Variants in ANKS1B observed in about 807,000 individuals in gnomAD.
The protein encoded by ANKS1B is ankyrin repeat and sterile alpha motif domain-containing protein 1B.
Under a neutral mutation model 148.3 loss-of-function variants are expected in ANKS1B, and 36 were observed. That is an observed-to-expected ratio of 0.24 (90% CI 0.19 to 0.32). The LOEUF (loss-of-function observed/expected upper bound fraction) is 0.32. ANKS1B is among the 10% of genes least tolerant of loss of function. The pLI, the probability that ANKS1B is intolerant of heterozygous loss-of-function variation, is 1.00. For synonymous variants in ANKS1B, 542 were observed against 560.8 expected, an observed-to-expected ratio of 0.97 and a Z score of 0.47; for missense variants, 1,157 against 1,542.6, an observed-to-expected ratio of 0.75 and a Z score of 4.19.
chr12:99,213,342 G>C lies in ANKS1B; in HGVS notation c.2419+31000C>G, dbSNP rs188969459. On this transcript the variant is annotated intron_variant, in intron 14 of 26. Transcript: ENST00000683438. ...CACAAACTGCTTTATTTCAAACATT[G>C]CTCATCACTCACCTGCCTGCATTCC... Among the ~76,000 whole-genome samples the C allele has an allele frequency of 8.0e-4, 122 of 152,258 alleles. 1 individual carries two copies. The highest frequency in any genetic ancestry group is 8.8e-5 in the Non-Finnish European group (6 of 68,032).
At chr12:98,888,412 C>T (rs2099745081) in intron 17 of ANKS1B, among the ~76,000 whole-genome samples, 1 of 152,200 alleles carries the variant, frequency 6.6e-6, no homozygotes, top group Admixed American at 6.5e-5. Context: ...CCACCTGTGT[C>T]CATCCTAGCC....
Position 99,648,315 on chromosome 12 carries a change from G to T in ANKS1B, c.1272+6752C>A, listed in dbSNP as rs375821466. On this transcript the variant is annotated intron_variant, in intron 9 of 26. Coordinates refer to ENST00000683438, the MANE Select transcript of ANKS1B (RefSeq NM_001352186.2). ...TATTCAGGTATGCACCCATGTTTGA[G>T]AGCGACTTTATCCAGATCAGCAAAA... 27 of 1,614,042 alleles carry T rather than the reference G, an allele frequency of 1.7e-5. No individual in the cohort carries two copies. In the African/African-American group the frequency reaches 2.9e-4, roughly 18 times the overall value.
At chr12:99,154,942 C>CCTG in intron 14 of ANKS1B, 1 of 1,535,348 alleles carries the variant, frequency 6.5e-7, no homozygotes, top group Non-Finnish European at 8.7e-7. Flanking sequence ...AAGCTGTAAG[C>CCTG]CTGCTGCTGC....
chr12:99,789,001 A>G (rs2153641052), intron 4 of ANKS1B, among the ~76,000 whole-genome samples: 1 of 152,254 alleles, frequency 6.6e-6, no homozygotes, highest in Non-Finnish European at 1.5e-5. Flanking sequence ...CTTGGCTTCC[A>G]GACAGCTACT....
intron 8 of ANKS1B, among the ~76,000 whole-genome samples, chr12:99,698,707 A>T (rs918492741): frequency 1.3e-5 from 2 of 152,152 alleles, no homozygotes; most frequent in African/African-American, 4.8e-5. Flanking sequence ...TGTAGTTGGG[A>T]CATGCTGTTT....
intron 12 of ANKS1B, among the ~76,000 whole-genome samples, chr12:99,366,628 G>C (rs1001210672): frequency 6.6e-6 from 1 of 151,956 alleles, no homozygotes; most frequent in Non-Finnish European, 1.5e-5. Context: ...AAGTGATATT[G>C]GTTCAGCTTG....
rs572849686 is a variant in ANKS1B at position 98,745,222 on chromosome 12, A to G, written c.*517T>C. ...AATCTCCTGGCAATCATATCACGGG[A>G]GTTGTTTTTGTCCTTTTGCATTAAA... On this transcript the variant is annotated 3_prime_UTR_variant, in exon 27 of 27. Coordinates refer to ENST00000683438, the MANE Select transcript of ANKS1B (RefSeq NM_001352186.2). 4 of 985,644 alleles carry G rather than the reference A, an allele frequency of 4.1e-6. No homozygotes were observed. Among genetic ancestry groups the G allele is most frequent in the Non-Finnish European group, 4.8e-6 (4 of 829,886 alleles). The allele number at this position is 985,644 out of a possible 1,614,324, so 61.1% of individuals were successfully genotyped here. A position where few individuals can be genotyped will look rare whatever the true frequency, so the allele number is the denominator to read the frequency against.
chr12:98,864,502 T>G (rs914378452), intron 17 of ANKS1B, among the ~76,000 whole-genome samples: 13 of 152,142 alleles, frequency 8.5e-5, no homozygotes, highest in Non-Finnish European at 1.8e-4. Flanking sequence ...TTGAGTGAAG[T>G]AGATTACTCT....
intron 25 of ANKS1B, among the ~76,000 whole-genome samples, chr12:98,768,052 C>A (rs577865648): frequency 1.4e-4 from 22 of 152,286 alleles, no homozygotes; most frequent in Non-Finnish European, 2.5e-4. Flanking sequence ...CTACAGTTCC[C>A]TCTTCCCCAA....
chr12:98,829,711 T>A lies in ANKS1B; in HGVS notation c.2887-358A>T, dbSNP rs2099279158. On this transcript the variant is annotated intron_variant, in intron 18 of 26. Coordinates refer to ENST00000683438, the MANE Select transcript of ANKS1B (RefSeq NM_001352186.2). The surrounding 1 kb of genome is among the most constrained non-coding windows in gnomAD (Gnocchi z 5.2). ...TGTGGGCAGAGCGTCCTCACCATGG[T>A]AGATGCCATGATGAGAAAGCTAAAA... Among the ~76,000 whole-genome samples, 2 of 152,172 alleles carry A rather than the reference T, an allele frequency of 1.3e-5. No homozygotes were observed. Among genetic ancestry groups the A allele is most frequent in the Non-Finnish European group, 2.9e-5 (2 of 68,036 alleles).
At chr12:99,871,170 T>C (rs1214617564) in intron 1 of ANKS1B, among the ~76,000 whole-genome samples, 1 of 152,220 alleles carries the variant, frequency 6.6e-6, no homozygotes, top group African/African-American at 2.4e-5. Context: ...ATTTGTTGAA[T>C]AGGGAGTCCT....
intron 10 of ANKS1B, among the ~76,000 whole-genome samples, chr12:99,478,833 C>A (rs937917015): frequency 6.6e-6 from 1 of 152,038 alleles, no homozygotes; most frequent in East Asian, 1.9e-4. Flanking sequence ...GAGGAAAGAC[C>A]GAATTACCCT....
intron 8 of ANKS1B, among the ~76,000 whole-genome samples, chr12:99,716,018 G>A (rs944258943): frequency 6.6e-6 from 1 of 152,100 alleles, no homozygotes; most frequent in African/African-American, 2.4e-5. Flanking sequence ...GACCACGCAG[G>A]GATGCCTGCC....
chr12:99,292,737 G>C (rs1602495903), intron 12 of ANKS1B, among the ~76,000 whole-genome samples: 1 of 152,162 alleles, frequency 6.6e-6, no homozygotes, highest in South Asian at 2.1e-4. Flanking sequence ...CCAGCCAACA[G>C]ACACAAGGAA....
intron 10 of ANKS1B, among the ~76,000 whole-genome samples, chr12:99,481,177 A>G (rs528665194): frequency 2.0e-5 from 3 of 151,688 alleles, no homozygotes; most frequent in African/African-American, 7.2e-5. Flanking sequence ...TTTTATCCCT[A>G]GCTACCCTCT....
intron 12 of ANKS1B, among the ~76,000 whole-genome samples, chr12:99,305,044 T>C (rs1305622420): frequency 1.3e-5 from 2 of 152,002 alleles, no homozygotes; most frequent in Non-Finnish European, 2.9e-5. Context: ...AAGCTTACAA[T>C]CATAGCAGAA....
At chr12:98,955,713 T>C (rs1424846895) in intron 17 of ANKS1B, among the ~76,000 whole-genome samples, 3 of 152,146 alleles carry the variant, frequency 2.0e-5, no homozygotes, top group African/African-American at 7.2e-5. Context: ...ATTTTTGGCC[T>C]AAGCAACTAG....
intron 10 of ANKS1B, among the ~76,000 whole-genome samples, chr12:99,497,807 T>C (rs771029077): frequency 6.6e-6 from 1 of 151,976 alleles, no homozygotes. Context: ...CTCTTAAGAC[T>C]TGATCACCCC....
chr12:99,192,131 CAAAAAA>C (rs35767286), intron 14 of ANKS1B, among the ~76,000 whole-genome samples: 1 of 57,800 alleles, frequency 1.7e-5, no homozygotes, highest in African/African-American at 7.0e-5. Flanking sequence ...GACTCCATCT[CAAAAAA>C]AAAAAAAAAA....
Sources: gnomAD v4.1 joint callset for allele counts (sites outside exome capture counted in the v4.1 genomes callset) on GRCh38, gnomAD v4.1.1 for gene constraint, Gnocchi (gnomAD v3.1) non-coding constraint, MANE v1.5 for transcripts, NCBI Gene and HGNC (gene_info 2026-07-23, HGNC 2026-07-21) for gene names.